Variants in UBA5 observed in about 807,000 individuals in gnomAD.
UBA5 encodes ubiquitin-like modifier-activating enzyme 5.
Under a neutral mutation model 52.9 loss-of-function variants are expected in UBA5, and 28 were observed. That is an observed-to-expected ratio of 0.53 (90% CI 0.39 to 0.73). The LOEUF is 0.73. Ranked by LOEUF, UBA5 falls within the 30% of genes least tolerant of loss-of-function variation. The pLI, the probability that UBA5 is intolerant of heterozygous loss-of-function variation, is 0.00. For missense variants in UBA5, 388 were observed against 492.7 expected (o/e 0.79, Z 2.01); for synonymous variants, 135 against 162.1 (o/e 0.83, Z 1.27).
intron 6 of UBA5, 112 bp downstream of exon 6, chr3:132,671,161 G>A: frequency 1.1e-6 from 1 of 874,880 alleles, no homozygotes; most frequent in South Asian, 1.6e-5. Context: ...ACCCTTTTCT[G>A]TGTTTTATTT....
chr3:132,666,765 C>G (rs1302108557), intron 3 of UBA5, among the ~76,000 whole-genome samples: 2 of 152,104 alleles, frequency 1.3e-5, no homozygotes, highest in Non-Finnish European at 2.9e-5. Context: ...AAAATTGGCA[C>G]TCACTTATCA....
intron 2 of UBA5, 34 bp from the exon 3 acceptor site, chr3:132,665,950 T>C: frequency 6.2e-7 from 1 of 1,610,726 alleles, no homozygotes; most frequent in Non-Finnish European, 8.5e-7. Context: ...GATGAAGAGC[T>C]ATTAACCAAC....
intron 8 of UBA5, among the ~76,000 whole-genome samples, chr3:132,672,718 C>G (rs184134706): frequency 6.4e-4 from 97 of 152,132 alleles, no homozygotes; most frequent in African/African-American, 1.2e-3. Context: ...TAATATAAAA[C>G]ACATTAACAG....
intron 8 of UBA5, among the ~76,000 whole-genome samples, chr3:132,672,422 C>T (rs531477343): frequency 5.9e-5 from 9 of 151,918 alleles, no homozygotes; most frequent in South Asian, 2.1e-4. Flanking sequence ...CATATTCATA[C>T]GTGAATATAT....
Position 132,675,824 on chromosome 3 carries a change from G to A in UBA5, c.1032G>A (p.Glu344=). 6 of 1,609,500 alleles carry A rather than the reference G, an allele frequency of 3.7e-6. No individual in the cohort carries two copies. Among genetic ancestry groups the A allele is most frequent in the South Asian group, 1.1e-5 (1 of 90,246 alleles). ...IIHEDNEWGI[E]LVSEVSEEEL... is the part of the protein sequence containing the mutation. ...ATAGGATCAAATTTACAGGTATTGAGCTGGTATCTGAGGTTTCAGAAGAGG... is the reference window on the plus strand; with the variant it reads ...ATAGGATCAAATTTACAGGTATTGAACTGGTATCTGAGGTTTCAGAAGAGG... The change falls in exon 11 of 12, where the codon GAG becomes GAA. Residue 344 remains glutamate, a synonymous_variant. Transcript: ENST00000356232.
upstream of UBA5, chr3:132,659,485 A>T: frequency 1.4e-6 from 2 of 1,438,798 alleles, no homozygotes; most frequent in Non-Finnish European, 9.4e-7. Context: ...GGGTGCGTCC[A>T]CTGACTGCAG....
chr3:132,664,755 T>C (rs1938303615), intron 1 of UBA5, among the ~76,000 whole-genome samples: 1 of 152,136 alleles, frequency 6.6e-6, no homozygotes. Context: ...CTTTGTAGTA[T>C]AATGATGAAG....
At chr3:132,665,514 A>G (rs1209149872) in intron 1 of UBA5, among the ~76,000 whole-genome samples, 1 of 152,158 alleles carries the variant, frequency 6.6e-6, no homozygotes, top group African/African-American at 2.4e-5. Flanking sequence ...ACCAAAGCAT[A>G]GAAAAATGTT....
intron 4 of UBA5, 75 bp from the exon 5 acceptor site, chr3:132,670,123 C>G: frequency 1.4e-6 from 1 of 738,580 alleles, no homozygotes; most frequent in Non-Finnish European, 2.3e-6. Context: ...CTCCTGGACT[C>G]AAGTAATCCT....
At chr3:132,665,590 T>G (rs114916400) in intron 1 of UBA5, 1 of 489,150 alleles carries the variant, frequency 2.0e-6, no homozygotes, top group Non-Finnish European at 3.6e-6. Context: ...TCAGAATACA[T>G]AGCTTTTAAA....
chr3:132,659,539 C>T, upstream of UBA5: 2 of 1,601,726 alleles, frequency 1.2e-6, no homozygotes, highest in Non-Finnish European at 1.7e-6. Context: ...CCACCCAGGG[C>T]CAAAGGAAGG....
intron 3 of UBA5, chr3:132,668,500 G>A (rs73000586): frequency 0.024 from 4,036 of 165,880 alleles, 174 homozygotes; most frequent in African/African-American, 0.09. Context: ...ATTATTTAGA[G>A]AGGCAGCACA....
intron 1 of UBA5, among the ~76,000 whole-genome samples, chr3:132,654,848 T>C (rs1010000499): frequency 9.8e-5 from 15 of 152,358 alleles, no homozygotes; most frequent in African/African-American, 3.6e-4. Context: ...TAATTGGCAC[T>C]GATTCGTTGT....
Position 132,679,633 on chromosome 3 carries a change from A to C in UBA5, c.*3107A>C, listed in dbSNP as rs1352079932. 2.6e-5 allele frequency among the ~76,000 whole-genome samples: 4 copies of C among 152,198 alleles called. No individual in the cohort carries two copies. The highest frequency in any genetic ancestry group is 5.9e-5 in the Non-Finnish European group (4 of 68,016). Reference sequence around the variant, plus strand: ...GTACAAAGAATAAATAATATTCTTAAGGTAGTTTTTCCTTTTATCAGGGTT... The same window carrying C: ...GTACAAAGAATAAATAATATTCTTACGGTAGTTTTTCCTTTTATCAGGGTT... On this transcript the variant is annotated 3_prime_UTR_variant, in exon 12 of 12. Coordinates refer to ENST00000356232, the MANE Select transcript of UBA5 (RefSeq NM_024818.6).
Position 132,675,675 on chromosome 3 carries a change from A to G in UBA5, c.1019A>G (p.Glu340Gly), listed in dbSNP as rs750684941. Residue 340 changes from glutamate (E) to glycine (G), a missense_variant, in exon 10 of 12, where the codon GAA becomes GGA. Transcript: ENST00000356232. ...GAAGAGATAATCCATGAAGATAATGAATGGGGTAGGTATTCTTTTATAAAT... is the reference window on the plus strand; with the variant it reads ...GAAGAGATAATCCATGAAGATAATGGATGGGGTAGGTATTCTTTTATAAAT... ...EEEEIIHEDN[E>G]WGIELVSEVS... 5.6e-6 allele frequency: 9 copies of G among 1,608,788 alleles called. No individual in the cohort carries two copies. In the South Asian group the frequency reaches 9.9e-5, roughly 18 times the overall value.
Position 132,670,212 on chromosome 3 carries a change from A to T in UBA5, c.422A>T (p.Asp141Val). ...TTCCTTCTTAGGAACATTAATCCTGATGTTCTTTTTGAAGTACACAACTAT... is the reference window on the plus strand; with the variant it reads ...TTCCTTCTTAGGAACATTAATCCTGTTGTTCTTTTTGAAGTACACAACTAT... ...AEHTLRNINPDVLFEVHNYNI... is the reference protein window; with the variant it reads ...AEHTLRNINPVVLFEVHNYNI... Residue 141 changes from aspartate to valine, a missense_variant, in exon 5 of 12, where the codon GAT (aspartate) becomes GTT (valine). By Grantham distance (152) the Asp-to-Val change is radical. Transcript: ENST00000356232. The T allele has an allele frequency of 6.7e-7, 1 of 1,487,210 alleles. No homozygotes were observed. Among genetic ancestry groups the T allele is most frequent in the Non-Finnish European group, 9.3e-7 (1 of 1,072,616 alleles). The allele number at this position is 1,487,210 out of a possible 1,614,324, so 92.1% of individuals were successfully genotyped here.
intron 3 of UBA5, 136 bp downstream of exon 3, chr3:132,666,209 C>T (rs967982864): frequency 3.8e-5 from 26 of 677,472 alleles, no homozygotes; most frequent in African/African-American, 9.0e-5. Context: ...TCTTTCTACT[C>T]GGGTTGAGAC....
At chr3:132,662,154 A>C (rs890636149) in intron 1 of UBA5, among the ~76,000 whole-genome samples, 7 of 152,246 alleles carry the variant, frequency 4.6e-5, no homozygotes, top group Non-Finnish European at 2.9e-5. Flanking sequence ...ACTCAAGTCT[A>C]AATATGTAGT....
chr3:132,660,775 C>G lies in UBA5; in HGVS notation c.161+77C>G. 3 of 1,453,348 alleles carry G rather than the reference C, an allele frequency of 2.1e-6. No individual in the cohort carries two copies. Among genetic ancestry groups the G allele is most frequent in the Non-Finnish European group, 2.7e-6 (3 of 1,099,876 alleles). The allele number at this position is 1,453,348 out of a possible 1,614,324, so 90.0% of individuals were successfully genotyped here. A position where few individuals can be genotyped will look rare whatever the true frequency, so the allele number is the denominator to read the frequency against. On this transcript the variant is annotated intron_variant, in intron 1 of 11. Transcript: ENST00000356232. The surrounding 1 kb of genome is among the most constrained non-coding windows in gnomAD (Gnocchi z 4.1). ...GTGAGGTCAGAAGTGAGGCGCTTCC[C>G]ACGTCCCGCTCATGGGGACGCCCGC...
Sources: allele counts gnomAD v4.1 joint callset (sites outside exome capture counted in the v4.1 genomes callset), GRCh38; gene constraint gnomAD v4.1.1; non-coding constraint Gnocchi (gnomAD v3.1); transcripts MANE v1.5; gene names NCBI Gene and HGNC (gene_info 2026-07-23, HGNC 2026-07-21).